DAP: variants seen among roughly 807,000 people sequenced by gnomAD.
The protein encoded by DAP is death associated protein, also known as death-associated protein 1.
In DAP, 8 loss-of-function variants were observed where a neutral mutation model predicts 13.8. The observed-to-expected ratio is 0.58, with a 90% CI of 0.34 to 1.05. The LOEUF (loss-of-function observed/expected upper bound fraction) is 1.05. Ranked by LOEUF, DAP falls within the 50% of genes least tolerant of loss-of-function variation. The probability of loss-of-function intolerance (pLI) is 0.03; values close to 1 mark genes in which losing one functional copy is unlikely to be tolerated. For synonymous variants in DAP, 47 were observed against 47.5 expected, an observed-to-expected ratio of 0.99 and a Z score of 0.04; for missense variants, 106 against 133.2, an observed-to-expected ratio of 0.80 and a Z score of 1.01.
At chr5:10,747,939 G>A (rs1229347575) in intron 2 of DAP, 17 of 422,398 alleles carry the variant, frequency 4.0e-5, no homozygotes, top group Non-Finnish European at 7.4e-5. Context: ...GGTGTGGGGT[G>A]GGGAACAGGG....
chr5:10,742,165 G>A (rs929097521), intron 2 of DAP, among the ~76,000 whole-genome samples: 14 of 152,090 alleles, frequency 9.2e-5, no homozygotes, highest in African/African-American at 7.2e-5. Context: ...AGAGCTATCC[G>A]TTCTCCTGGC....
chr5:10,679,762 C>A lies in DAP; in HGVS notation c.*1294G>T, dbSNP rs1737933440. ...GGAGGGGCGCTGGGTCTGACCAGGT[C>A]TGCCTCTGCCCTCACCAGCTGGCAG... On this transcript the variant is annotated 3_prime_UTR_variant, in exon 4 of 4. Transcript: ENST00000230895. 6.6e-6 allele frequency: 1 copy of A among 152,430 alleles called. No individual in the cohort carries two copies. The highest frequency in any genetic ancestry group is 2.4e-5 in the African/African-American group (1 of 41,464). The allele number at this position is 152,430 out of a possible 1,614,324, so 9.4% of individuals were successfully genotyped here.
chr5:10,705,113 G>T (rs562359497), intron 2 of DAP, among the ~76,000 whole-genome samples: 2 of 152,048 alleles, frequency 1.3e-5, no homozygotes, highest in Non-Finnish European at 2.9e-5. Context: ...AGTGTAATGG[G>T]GCTCTGAGTC....
chr5:10,684,686 C>T (rs1738112606), intron 2 of DAP, among the ~76,000 whole-genome samples: 3 of 152,196 alleles, frequency 2.0e-5, no homozygotes, highest in South Asian at 2.1e-4. Context: ...AGCATCTCTC[C>T]ATGTAATTAT....
At chr5:10,734,628 C>T (rs75330792) in intron 2 of DAP, among the ~76,000 whole-genome samples, 35 of 152,308 alleles carry the variant, frequency 2.3e-4, no homozygotes, top group African/African-American at 8.2e-4. Context: ...CCTAGGGCGA[C>T]TCTGAGCAAA....
chr5:10,737,473 C>G (rs1739644670), intron 2 of DAP, among the ~76,000 whole-genome samples: 1 of 152,124 alleles, frequency 6.6e-6, no homozygotes, highest in South Asian at 2.1e-4. Context: ...CAGGGACACG[C>G]CCCTCTTAAA....
chr5:10,685,443 C>CCAGGGATT (rs1487193410), intron 2 of DAP, among the ~76,000 whole-genome samples: 6 of 152,298 alleles, frequency 3.9e-5, no homozygotes, highest in African/African-American at 1.4e-4. Context: ...GGGAGGGCTT[C>CCAGGGATT]CAGGGATTCA....
chr5:10,680,847 A>C lies in DAP; in HGVS notation c.*209T>G. On this transcript the variant is annotated 3_prime_UTR_variant, in exon 4 of 4. Coordinates refer to ENST00000230895, the MANE Select transcript of DAP (RefSeq NM_004394.3). Reference sequence around the variant, plus strand: ...CTAGGGGCACAATGATCCTCAAATGACATCCAACCAGACTCCCCATAAACA... The same window carrying C: ...CTAGGGGCACAATGATCCTCAAATGCCATCCAACCAGACTCCCCATAAACA... 1 of 1,536,948 alleles carries C rather than the reference A, an allele frequency of 6.5e-7. No homozygotes were observed. Among genetic ancestry groups the C allele is most frequent in the Non-Finnish European group, 8.7e-7 (1 of 1,147,048 alleles).
At chr5:10,739,785 ACT>A (rs1241972219) in intron 2 of DAP, among the ~76,000 whole-genome samples, 3 of 62,912 alleles carry the variant, frequency 4.8e-5, no homozygotes, top group South Asian at 4.6e-4. Flanking sequence ...TACTAAATTA[ACT>A]CACACACACA....
intron 2 of DAP, among the ~76,000 whole-genome samples, chr5:10,739,212 A>G (rs1262395328): frequency 1.3e-5 from 2 of 148,656 alleles, no homozygotes; most frequent in African/African-American, 5.0e-5. Context: ...AAAAAAAAAA[A>G]AAAAAAAAAA....
chr5:10,700,843 TA>T (rs1738559338), intron 2 of DAP, among the ~76,000 whole-genome samples: 1 of 152,262 alleles, frequency 6.6e-6, no homozygotes, highest in African/African-American at 2.4e-5. Flanking sequence ...GGTCACGTGC[TA>T]TAGGTAAGAT....
intron 2 of DAP, among the ~76,000 whole-genome samples, chr5:10,697,210 T>C (rs5745255): frequency 5.9e-5 from 9 of 152,200 alleles, no homozygotes; most frequent in Non-Finnish European, 1.3e-4. Flanking sequence ...TTTGCAGTAT[T>C]CAGAAAGGCT....
intron 2 of DAP, among the ~76,000 whole-genome samples, chr5:10,698,523 C>T (rs1241038796): frequency 2.0e-5 from 3 of 152,050 alleles, no homozygotes; most frequent in African/African-American, 4.8e-5. Context: ...GTTTGGGTTT[C>T]GAGAAATGCA....
chr5:10,736,084 C>A (rs1739604557), intron 2 of DAP, among the ~76,000 whole-genome samples: 1 of 152,146 alleles, frequency 6.6e-6, no homozygotes, highest in South Asian at 2.1e-4. Flanking sequence ...GAACGTCAGG[C>A]AAAGGCAGCA....
intron 2 of DAP, among the ~76,000 whole-genome samples, chr5:10,693,662 T>C (rs1212329428): frequency 1.3e-5 from 2 of 152,230 alleles, no homozygotes; most frequent in African/African-American, 4.8e-5. Flanking sequence ...GAGGGCTGTA[T>C]AGTGCATGTA....
At chr5:10,760,688 T>A (rs1176941699) in intron 1 of DAP, among the ~76,000 whole-genome samples, 1 of 152,220 alleles carries the variant, frequency 6.6e-6, no homozygotes, top group East Asian at 1.9e-4. Context: ...GTAAATATTA[T>A]CCGCCAAAAC....
intron 2 of DAP, among the ~76,000 whole-genome samples, chr5:10,712,005 C>T (rs1254539061): frequency 6.6e-6 from 1 of 152,166 alleles, no homozygotes; most frequent in African/African-American, 2.4e-5. Context: ...TGTTGAAGTC[C>T]TAACTCCCAG....
Position 10,680,696 on chromosome 5 carries a change from A to G in DAP, c.*360T>C. On this transcript the variant is annotated 3_prime_UTR_variant, in exon 4 of 4. Transcript: ENST00000230895. The stretch of plus-strand genomic sequence containing the variant: ...TGACTGAGGTTTTCTCCTAACCTTA[A>G]TCTCATCTTCTCAAATGTGTGCCTT... The G allele has an allele frequency of 6.6e-7, 1 of 1,515,976 alleles. No individual in the cohort carries two copies. The highest frequency in any genetic ancestry group is 8.8e-7 in the Non-Finnish European group (1 of 1,130,112). The allele number at this position is 1,515,976 out of a possible 1,614,324, so 93.9% of individuals were successfully genotyped here. A position where few individuals can be genotyped will look rare whatever the true frequency, so the allele number is the denominator to read the frequency against.
At chr5:10,753,399 C>T (rs1740095071) in intron 1 of DAP, among the ~76,000 whole-genome samples, 1 of 152,174 alleles carries the variant, frequency 6.6e-6, no homozygotes, top group African/African-American at 2.4e-5. Context: ...ACAGACAGGG[C>T]CAGGTTATTA....
Sources: allele counts gnomAD v4.1 joint callset (sites outside exome capture counted in the v4.1 genomes callset), GRCh38; gene constraint gnomAD v4.1.1; transcripts MANE v1.5; gene names NCBI Gene and HGNC (gene_info 2026-07-23, HGNC 2026-07-21).